The following SBF2 variants were observed in gnomAD, a reference collection of about 807,000 sequenced individuals.
SBF2 encodes the protein myotubularin-related protein 13.
A neutral mutation model predicts 225.2 loss-of-function variants in SBF2; 112 were observed. The observed-to-expected ratio is 0.50, with a 90% CI of 0.43 to 0.58. The LOEUF (loss-of-function observed/expected upper bound fraction) is 0.58, where lower values mean the gene tolerates loss of function less well. Ranked by LOEUF, SBF2 falls within the 20% of genes least tolerant of loss-of-function variation. The pLI, the probability that SBF2 is intolerant of heterozygous loss-of-function variation, is 0.00. For missense variants in SBF2, 1,996 were observed against 2,206.2 expected, an observed-to-expected ratio of 0.90 and a Z score of 1.91; for synonymous variants, 763 against 773.3, an observed-to-expected ratio of 0.99 and a Z score of 0.22.
intron 32 of SBF2, among the ~76,000 whole-genome samples, chr11:9,803,476 C>G (rs763916889): frequency 1.6e-4 from 24 of 152,276 alleles, no homozygotes; most frequent in South Asian, 1.0e-3. Context: ...ACTCCTCCCC[C>G]CCAGCCCCAT....
At chr11:10,154,721 T>G (rs751529610) in intron 2 of SBF2, among the ~76,000 whole-genome samples, 8 of 152,080 alleles carry the variant, frequency 5.3e-5, no homozygotes, top group Non-Finnish European at 1.0e-4. Context: ...GGCCATAACT[T>G]GAGATTCTCA....
chr11:9,899,978 G>A (rs1861589290), intron 16 of SBF2, among the ~76,000 whole-genome samples: 1 of 151,078 alleles, frequency 6.6e-6, no homozygotes, highest in Non-Finnish European at 1.5e-5. Context: ...TACTTGGGGG[G>A]AATTGGGGAA....
chr11:10,215,049 G>C (rs565074685), intron 1 of SBF2, among the ~76,000 whole-genome samples: 2 of 152,278 alleles, frequency 1.3e-5, no homozygotes, highest in South Asian at 4.1e-4. Context: ...GGCAAGCAAG[G>C]AAGCTCCTGT....
At chr11:9,832,488 G>A (rs1488041190) in intron 26 of SBF2, 68 bp from the exon 27 acceptor site, 2 of 1,095,766 alleles carry the variant, frequency 1.8e-6, no homozygotes, top group Non-Finnish European at 2.8e-6. Context: ...AAGGGGAAAG[G>A]AAATGAGAGA....
At chr11:9,844,630 A>T (rs1307658420) in intron 24 of SBF2, among the ~76,000 whole-genome samples, 2 of 152,216 alleles carry the variant, frequency 1.3e-5, no homozygotes, top group African/African-American at 2.4e-5. Flanking sequence ...TAAAAAAGTT[A>T]GGTACTAAAC....
At chr11:10,028,626 C>A in intron 5 of SBF2, 69 bp from the exon 6 acceptor site, 1 of 1,006,846 alleles carries the variant, frequency 9.9e-7, no homozygotes, top group Non-Finnish European at 1.6e-6. Context: ...ATAAAAATAC[C>A]TTCGATGTTC....
At chr11:9,898,657 T>G (rs1473914663) in intron 16 of SBF2, among the ~76,000 whole-genome samples, 1 of 151,968 alleles carries the variant, frequency 6.6e-6, no homozygotes, top group East Asian at 1.9e-4. Flanking sequence ...GGCAACGGAG[T>G]GAGACCTGTC....
At chr11:10,014,150 A>C (rs1948556789) in intron 6 of SBF2, among the ~76,000 whole-genome samples, 2 of 152,166 alleles carry the variant, frequency 1.3e-5, no homozygotes, top group South Asian at 2.1e-4. Flanking sequence ...ATGGTATCAA[A>C]GACCAAAATT....
chr11:9,969,307 C>T (rs1398910189), intron 13 of SBF2, among the ~76,000 whole-genome samples: 1 of 152,206 alleles, frequency 6.6e-6, no homozygotes, highest in East Asian at 1.9e-4. Context: ...ACAACAGTCT[C>T]CTAGTCTCCC....
intron 37 of SBF2, 146 bp downstream of exon 37, chr11:9,784,966 TTCAAAGAAACATC>T (rs1325685639): frequency 1.2e-5 from 9 of 745,172 alleles, no homozygotes; most frequent in Non-Finnish European, 2.0e-5. Flanking sequence ...TTTTTGTCTT[TTCAAAGAAACATC>T]TAAAACATTA....
intron 17 of SBF2, among the ~76,000 whole-genome samples, chr11:9,886,994 T>C (rs1860376155): frequency 6.6e-6 from 1 of 152,200 alleles, no homozygotes; most frequent in Non-Finnish European, 1.5e-5. Flanking sequence ...ACTCAGGACG[T>C]GGTAGCATAG....
At chr11:9,931,323 T>C (rs1565020941) in intron 16 of SBF2, among the ~76,000 whole-genome samples, 1 of 152,144 alleles carries the variant, frequency 6.6e-6, no homozygotes, top group Non-Finnish European at 1.5e-5. Context: ...CTGACCCCTG[T>C]GTAGTCTAAC....
chr11:10,102,991 T>C (rs1952377355), intron 2 of SBF2, among the ~76,000 whole-genome samples: 1 of 152,156 alleles, frequency 6.6e-6, no homozygotes, highest in Non-Finnish European at 1.5e-5. Context: ...TGAGAGACAA[T>C]GAAAGATTTT....
chr11:9,894,442 G>T (rs936247227), intron 17 of SBF2, among the ~76,000 whole-genome samples: 1 of 151,956 alleles, frequency 6.6e-6, no homozygotes, highest in African/African-American at 2.4e-5. Flanking sequence ...ACTTGAACCT[G>T]GGAGGTGGAG....
chr11:9,971,193 A>C (rs1009597719), intron 13 of SBF2, among the ~76,000 whole-genome samples: 4 of 151,994 alleles, frequency 2.6e-5, no homozygotes, highest in African/African-American at 7.2e-5. Flanking sequence ...TTATAATAAA[A>C]ATTAAAACTC....
chr11:10,130,576 T>C (rs375734933), intron 2 of SBF2, among the ~76,000 whole-genome samples: 12 of 152,098 alleles, frequency 7.9e-5, no homozygotes, highest in African/African-American at 2.4e-4. Flanking sequence ...AATGTGTGTA[T>C]AGTTCTATGT....
At chr11:10,103,479 T>G (rs540165975) in intron 2 of SBF2, among the ~76,000 whole-genome samples, 1 of 152,346 alleles carries the variant, frequency 6.6e-6, no homozygotes, top group East Asian at 1.9e-4. Context: ...TAGTATATGG[T>G]ACCAGTAATA....
rs1250671189 is a variant in SBF2, at chr11:9,828,421, T to C, written c.3793+935A>G. 6 of 985,272 alleles carry C rather than the reference T, an allele frequency of 6.1e-6. No individual in the cohort carries two copies. The African/African-American group carries it at 8.7e-5, about 14-fold the overall frequency. The allele number at this position is 985,272 out of a possible 1,614,324, so 61.0% of individuals were successfully genotyped here. ...ACACATTTGCAAGATTATAGAGAGT[T>C]AGGTTTGGCAAGTGCAATCAGAGAA... On this transcript the variant is annotated intron_variant, in intron 28 of 39. Coordinates refer to ENST00000256190, the MANE Select transcript of SBF2 (RefSeq NM_030962.4).
chr11:9,910,645 AGGT>A (rs1255193977), intron 16 of SBF2, among the ~76,000 whole-genome samples: 2 of 151,972 alleles, frequency 1.3e-5, no homozygotes, highest in African/African-American at 4.8e-5. Context: ...GACCCTGTGT[AGGT>A]CTAGGCTAAT....
Sources: allele counts gnomAD v4.1 joint callset (sites outside exome capture counted in the v4.1 genomes callset), GRCh38; gene constraint gnomAD v4.1.1; transcripts MANE v1.5; gene names NCBI Gene and HGNC (gene_info 2026-07-23, HGNC 2026-07-21).